Variants in NLGN1 observed in about 807,000 individuals in gnomAD.
NLGN1 encodes the protein neuroligin-1.
In NLGN1, 12 loss-of-function variants were observed where a neutral mutation model predicts 65.5. The observed-to-expected ratio is 0.18, with a 90% CI of 0.12 to 0.30. The LOEUF is 0.30. Among genes scored for constraint, NLGN1 ranks in the 10% least tolerant of loss-of-function variants. NLGN1 has a pLI of 1.00. For missense variants in NLGN1, 750 were observed against 1,007.1 expected (o/e 0.74, Z 3.46); for synonymous variants, 350 against 359.5 (o/e 0.97, Z 0.30).
chr3:173,788,416 T>C (rs1278286409), intron 3 of NLGN1, among the ~76,000 whole-genome samples: 4 of 152,062 alleles, frequency 2.6e-5, no homozygotes, highest in African/African-American at 9.7e-5. Flanking sequence ...ATTTTTTTAG[T>C]TTTTAATTTA....
intron 3 of NLGN1, among the ~76,000 whole-genome samples, chr3:173,781,731 G>T (rs1024410701): frequency 1.3e-5 from 2 of 152,096 alleles, no homozygotes; most frequent in African/African-American, 4.8e-5. Flanking sequence ...TTTTAAAAAG[G>T]CACATTAGCC....
At chr3:173,487,503 T>C (rs1457492528) in intron 2 of NLGN1, among the ~76,000 whole-genome samples, 1 of 152,038 alleles carries the variant, frequency 6.6e-6, no homozygotes, top group Non-Finnish European at 1.5e-5. Context: ...TTTCTAAATC[T>C]TCCATGTCTT....
intron 4 of NLGN1, among the ~76,000 whole-genome samples, chr3:174,120,890 G>C (rs933599824): frequency 6.6e-6 from 1 of 152,116 alleles, no homozygotes; most frequent in Admixed American, 6.6e-5. Context: ...CACTGCTCAC[G>C]ACTCTACTGG....
rs114967479 is a variant in NLGN1, at chr3:173,774,863, C to G, written c.494-32817C>G. On this transcript the variant is annotated intron_variant, in intron 3 of 6. Coordinates refer to ENST00000457714, the Ensembl canonical transcript of NLGN1. ...GCACATTCTAGATATGGCTTGTATT[C>G]TGTCAGTTTAACATAGAGTGTTTTC... Among the ~76,000 whole-genome samples, 560 of 152,074 alleles carry G rather than the reference C, an allele frequency of 3.7e-3. 3 individuals are homozygous for G. Among genetic ancestry groups the G allele is most frequent in the Non-Finnish European group, 3.4e-3 (230 of 67,974 alleles).
chr3:174,099,559 G>T (rs1711922140), intron 4 of NLGN1, among the ~76,000 whole-genome samples: 1 of 152,108 alleles, frequency 6.6e-6, no homozygotes, highest in Non-Finnish European at 1.5e-5. Flanking sequence ...GACTTCTGAG[G>T]ATTAAAGGTG....
intron 1 of NLGN1, among the ~76,000 whole-genome samples, chr3:173,421,176 T>A (rs1408127836): frequency 1.3e-5 from 2 of 152,098 alleles, no homozygotes; most frequent in Admixed American, 6.5e-5. Context: ...TCAAATTTTT[T>A]AAAAATCATT....
chr3:174,163,858 A>G (rs6445145), intron 4 of NLGN1, among the ~76,000 whole-genome samples: 39,679 of 151,924 alleles, frequency 0.26, 6,197 homozygotes, highest in African/African-American at 0.44. Flanking sequence ...AACTGATTCC[A>G]TGTCATTGCT....
At chr3:174,197,498 T>C (rs1458393378) in intron 4 of NLGN1, among the ~76,000 whole-genome samples, 4 of 134,182 alleles carry the variant, frequency 3.0e-5, no homozygotes, top group African/African-American at 1.2e-4. Flanking sequence ...ATGGCTTTCT[T>C]GAGCTACGGT....
intron 4 of NLGN1, among the ~76,000 whole-genome samples, chr3:174,264,743 G>C (rs1747672062): frequency 6.6e-6 from 1 of 151,984 alleles, no homozygotes; most frequent in South Asian, 2.1e-4. Flanking sequence ...CGTTCCTTTG[G>C]AGGAGGAGAG....
rs148871524 is a variant in NLGN1, at chr3:173,526,080, G to A, written c.-320-78199G>A. Reference sequence around the variant, plus strand: ...TGAGCAAAATGTATATTCTGTTGTTGTTGGGGAGAATGTTCTGTAAATATC... The same window carrying A: ...TGAGCAAAATGTATATTCTGTTGTTATTGGGGAGAATGTTCTGTAAATATC... On this transcript the variant is annotated intron_variant, in intron 2 of 6. Transcript: ENST00000457714. Among the ~76,000 whole-genome samples the A allele has an allele frequency of 4.8e-3, 727 of 152,182 alleles. 5 individuals carry two copies. The highest frequency in any genetic ancestry group is 0.016 in the African/African-American group (667 of 41,532).
intron 2 of NLGN1, among the ~76,000 whole-genome samples, chr3:173,512,610 A>G (rs964139392): frequency 2.6e-5 from 4 of 152,166 alleles, no homozygotes; most frequent in African/African-American, 7.2e-5. Context: ...CATTCGATTG[A>G]TAAAAAGACA....
intron 2 of NLGN1, among the ~76,000 whole-genome samples, chr3:173,554,366 A>G (rs1741380370): frequency 6.6e-6 from 1 of 152,202 alleles, no homozygotes; most frequent in African/African-American, 2.4e-5. Context: ...GGTAAGAGAG[A>G]GAATCCAGTG....
At chr3:173,725,984 T>A (rs956993833) in intron 3 of NLGN1, among the ~76,000 whole-genome samples, 1 of 152,090 alleles carries the variant, frequency 6.6e-6, no homozygotes, top group African/African-American at 2.4e-5. Flanking sequence ...CAGAAGAATC[T>A]CTTAAGCTCC....
chr3:174,205,124 A>G (rs1735163142), intron 4 of NLGN1, among the ~76,000 whole-genome samples: 1 of 152,148 alleles, frequency 6.6e-6, no homozygotes, highest in South Asian at 2.1e-4. Context: ...AAAAATTTTT[A>G]TATGTTCAAC....
In NLGN1 at chr3:173,636,272, A is replaced by T. The variant is rs964133726; in HGVS notation, c.493+31181A>T. Among the ~76,000 whole-genome samples the T allele has an allele frequency of 4.6e-5, 7 of 151,936 alleles. No homozygotes were observed. The South Asian group carries it at 1.5e-3, about 32-fold the overall frequency. On this transcript the variant is annotated intron_variant, in intron 3 of 6. Transcript: ENST00000457714. ...ATTTGCACACTGGTTTTTTTTGGGT[A>T]TGTCCACCAGAGCCAAAAAAGAAAG...
At chr3:173,616,323 A>G (rs913303582) in intron 3 of NLGN1, among the ~76,000 whole-genome samples, 3 of 152,068 alleles carry the variant, frequency 2.0e-5, no homozygotes, top group African/African-American at 4.8e-5. Context: ...TAGAAACACT[A>G]TCTGCTCACT....
rs1456160252 is a variant in NLGN1 at position 173,685,756 on chromosome 3, TGTGCTGG to T, written c.493+80667_493+80673del. ...GGTGATCCAGTGTGACTCTGAAGCA[TGTGCTGG>T]GGCTTTTTGTATGTGCTGTGTCAAA... is the stretch of plus-strand genomic sequence containing the variant. On this transcript the variant is annotated intron_variant, in intron 3 of 6. Coordinates refer to ENST00000457714, the Ensembl canonical transcript of NLGN1. 1.2e-5 allele frequency: 12 copies of T among 985,326 alleles called. No individual in the cohort carries two copies. The African/African-American group carries it at 2.1e-4, about 17-fold the overall frequency. 61.0% of individuals were successfully genotyped at this position (985,326 alleles called of 1,614,324 possible).
At chr3:173,829,147 A>G (rs1189846438) in intron 4 of NLGN1, among the ~76,000 whole-genome samples, 1 of 152,026 alleles carries the variant, frequency 6.6e-6, no homozygotes, top group Non-Finnish European at 1.5e-5. Flanking sequence ...AGCAGTGAGA[A>G]GTAGTTTTAT....
At chr3:173,560,816 T>G (rs899321123) in intron 2 of NLGN1, among the ~76,000 whole-genome samples, 2 of 152,176 alleles carry the variant, frequency 1.3e-5, no homozygotes, top group African/African-American at 4.8e-5. Context: ...TTTGAGATAG[T>G]TCAGTACTAG....
Sources: allele counts gnomAD v4.1 joint callset (sites outside exome capture counted in the v4.1 genomes callset), GRCh38; gene constraint gnomAD v4.1.1; transcripts MANE v1.5; gene names NCBI Gene and HGNC (gene_info 2026-07-23, HGNC 2026-07-21).